The following ERBB4 variants were observed in gnomAD, a reference collection of about 807,000 sequenced individuals.
The protein encoded by ERBB4 is erb-b2 receptor tyrosine kinase 4, also known as receptor tyrosine-protein kinase erbB-4.
Under a neutral mutation model 158.0 loss-of-function variants are expected in ERBB4, and 42 were observed. The observed-to-expected ratio is 0.27, with a 90% CI of 0.21 to 0.34. The LOEUF is 0.34. Ranked by LOEUF, ERBB4 falls within the 10% of genes least tolerant of loss-of-function variation. The probability of loss-of-function intolerance (pLI) is 1.00; values close to 1 mark genes in which losing one functional copy is unlikely to be tolerated. For missense variants in ERBB4, 1,333 were observed against 1,624.1 expected, an observed-to-expected ratio of 0.82 and a Z score of 3.08; for synonymous variants, 583 against 558.7, an observed-to-expected ratio of 1.04 and a Z score of -0.61.
At position 212,510,077 on chromosome 2, in the gene ERBB4, T is replaced by G. The variant is rs903575197; in HGVS notation, c.82+28372A>C. Among the ~76,000 whole-genome samples the G allele has an allele frequency of 5.3e-5, 8 of 150,618 alleles. 1 individual carries two copies. The highest frequency in any genetic ancestry group is 3.5e-3 in the Middle Eastern group (1 of 284). On this transcript the variant is annotated intron_variant, in intron 1 of 27. Transcript: ENST00000342788. ...TTGCAGTCAAATGTATACACTAACA[T>G]AAATAGTTACATACAGAACGTTTAA...
intron 23 of ERBB4, among the ~76,000 whole-genome samples, chr2:211,422,401 G>A (rs1041064830): frequency 5.4e-5 from 8 of 148,216 alleles, no homozygotes; most frequent in African/African-American, 2.0e-4. Flanking sequence ...ACATAGGAGA[G>A]AAGATTTGGT....
chr2:212,515,193 T>C (rs1691754419), intron 1 of ERBB4, among the ~76,000 whole-genome samples: 2 of 152,178 alleles, frequency 1.3e-5, no homozygotes, highest in Admixed American at 6.5e-5. Flanking sequence ...TTACTTGTAA[T>C]GGTGAAAGTA....
intron 1 of ERBB4, among the ~76,000 whole-genome samples, chr2:212,501,524 C>A (rs1164953668): frequency 6.6e-6 from 1 of 152,162 alleles, no homozygotes; most frequent in Non-Finnish European, 1.5e-5. Context: ...AAACTCCCAA[C>A]CACAGACTTC....
chr2:212,437,750 G>C (rs1000868996), intron 1 of ERBB4, among the ~76,000 whole-genome samples: 3 of 152,018 alleles, frequency 2.0e-5, no homozygotes, highest in Non-Finnish European at 4.4e-5. Context: ...ACACTGTACT[G>C]TCTATAGGGT....
intron 1 of ERBB4, among the ~76,000 whole-genome samples, chr2:212,532,867 T>G (rs546478778): frequency 6.6e-6 from 1 of 152,344 alleles, no homozygotes; most frequent in South Asian, 2.1e-4. Context: ...ACATGCTACA[T>G]AGCCTCTTTA....
intron 1 of ERBB4, among the ~76,000 whole-genome samples, chr2:212,287,886 C>G (rs551257735): frequency 6.6e-6 from 1 of 152,038 alleles, no homozygotes; most frequent in Non-Finnish European, 1.5e-5. Context: ...GGCAACAACA[C>G]GCACTGGGGC....
At chr2:211,448,550 G>T (rs570879367) in intron 20 of ERBB4, among the ~76,000 whole-genome samples, 2 of 151,802 alleles carry the variant, frequency 1.3e-5, no homozygotes, top group South Asian at 2.1e-4. Flanking sequence ...AGGTGCAAAG[G>T]CATATAAACA....
intron 3 of ERBB4, among the ~76,000 whole-genome samples, chr2:211,796,420 A>G (rs982441429): frequency 2.6e-5 from 4 of 152,000 alleles, no homozygotes; most frequent in Admixed American, 2.6e-4. Context: ...GCTGCTATGC[A>G]CTTCCTAGAA....
chr2:212,026,222 AGAAT>A (rs1361171952), intron 2 of ERBB4, among the ~76,000 whole-genome samples: 9 of 151,880 alleles, frequency 5.9e-5, no homozygotes, highest in South Asian at 2.1e-4. Context: ...ATTGAATAAA[AGAAT>A]GAATGAATTT....
chr2:211,937,873 C>A (rs2080371933), intron 3 of ERBB4, among the ~76,000 whole-genome samples: 1 of 152,098 alleles, frequency 6.6e-6, no homozygotes, highest in South Asian at 2.1e-4. Flanking sequence ...AGACCCATTT[C>A]TAATTTCAAC....
intron 16 of ERBB4, among the ~76,000 whole-genome samples, chr2:211,644,582 C>G (rs972717199): frequency 6.6e-6 from 1 of 151,932 alleles, no homozygotes; most frequent in Non-Finnish European, 1.5e-5. Context: ...GGAAAAAACC[C>G]ACATCTACAT....
At chr2:211,778,032 C>CCA (rs1439639819) in intron 4 of ERBB4, among the ~76,000 whole-genome samples, 1 of 152,132 alleles carries the variant, frequency 6.6e-6, no homozygotes, top group Non-Finnish European at 1.5e-5. Context: ...TTCAAAACCA[C>CCA]GAAAATTTAG....
At chr2:211,935,492 C>T (rs1163692569) in intron 3 of ERBB4, among the ~76,000 whole-genome samples, 3 of 152,146 alleles carry the variant, frequency 2.0e-5, no homozygotes, top group Non-Finnish European at 4.4e-5. Flanking sequence ...TTTCAGGCTC[C>T]CTGGTCTTTG....
intron 1 of ERBB4, among the ~76,000 whole-genome samples, chr2:212,219,470 A>G (rs999987327): frequency 6.6e-6 from 1 of 151,470 alleles, no homozygotes; most frequent in Non-Finnish European, 1.5e-5. Flanking sequence ...TAAGATTTTT[A>G]AAGCAATTCC....
In ERBB4 at chr2:211,630,567, A is replaced by T. The variant is rs1200790011; in HGVS notation, c.1974T>A (p.Ile658=). Residue 658 remains isoleucine, a synonymous_variant, in exon 17 of 28, where the codon ATT becomes ATA. Coordinates refer to ENST00000342788, the MANE Select transcript of ERBB4 (RefSeq NM_005235.3). ...CAATGACCAGAATGAAGAGCCCACC[A>T]ATTACTCCAGCTGCAATCAGGGGAG... is the stretch of plus-strand genomic sequence containing the variant. ...ARTPLIAAGV[I]GGLFILVIVG... 5.0e-6 allele frequency: 8 copies of T among 1,613,748 alleles called. No homozygotes were observed.
intron 2 of ERBB4, among the ~76,000 whole-genome samples, chr2:212,058,260 T>A (rs187666681): frequency 5.3e-5 from 8 of 152,312 alleles, no homozygotes; most frequent in South Asian, 2.1e-4. Context: ...AATCTCTGAA[T>A]AGACCCATAA....
intron 2 of ERBB4, among the ~76,000 whole-genome samples, chr2:211,985,307 T>C (rs2081910968): frequency 6.6e-6 from 1 of 152,118 alleles, no homozygotes; most frequent in African/African-American, 2.4e-5. Flanking sequence ...AGGGAAGGAA[T>C]GAAAAAATAA....
In ERBB4 at chr2:211,422,132, C is replaced by G. The variant is rs114399860; in HGVS notation, c.2867-28G>C. 2.9e-6 allele frequency: 4 copies of G among 1,386,746 alleles called. No homozygotes were observed. The Admixed American group carries it at 6.7e-5, about 23-fold the overall frequency. 85.9% of individuals were successfully genotyped at this position (1,386,746 alleles called of 1,614,324 possible). On this transcript the variant is annotated intron_variant, in intron 23 of 27. Coordinates refer to ENST00000342788, the MANE Select transcript of ERBB4 (RefSeq NM_005235.3). ...GGAAATTTACACAGTGAAAATGTCA[C>G]TATATTCGTAACTAGAAAGGAGTTG...
intron 20 of ERBB4, among the ~76,000 whole-genome samples, chr2:211,556,058 GACA>G (rs1574740893): frequency 6.6e-6 from 1 of 152,000 alleles, no homozygotes; most frequent in Non-Finnish European, 1.5e-5. Context: ...TACATGCAAT[GACA>G]ACAATAGGCT....
Sources: gnomAD v4.1 joint callset for allele counts (sites outside exome capture counted in the v4.1 genomes callset) on GRCh38, gnomAD v4.1.1 for gene constraint, MANE v1.5 for transcripts, NCBI Gene and HGNC (gene_info 2026-07-23, HGNC 2026-07-21) for gene names.